Variants in CENPF observed in about 807,000 individuals in gnomAD.
CENPF encodes AH antigen.
In CENPF, 214 loss-of-function variants were observed where a neutral mutation model predicts 307.3. The observed-to-expected ratio is 0.70, with a 90% CI of 0.62 to 0.78. The LOEUF (loss-of-function observed/expected upper bound fraction) is 0.78, where lower values mean the gene tolerates loss of function less well. Among genes scored for constraint, CENPF ranks in the 30% least tolerant of loss-of-function variants. The pLI is 0.00. For missense variants in CENPF, 3,401 were observed against 3,483.9 expected (o/e 0.98, Z 0.60); for synonymous variants, 1,259 against 1,270.6 (o/e 0.99, Z 0.19).
intron 11 of CENPF, among the ~76,000 whole-genome samples, chr1:214,638,891 T>A (rs749347329): frequency 6.6e-6 from 1 of 152,248 alleles, no homozygotes; most frequent in Non-Finnish European, 1.5e-5. Context: ...AGTTTTCAGC[T>A]TTCTTGAAGG....
intron 3 of CENPF, among the ~76,000 whole-genome samples, chr1:214,616,291 G>T (rs958774663): frequency 2.2e-4 from 34 of 152,196 alleles, no homozygotes; most frequent in African/African-American, 8.0e-4. Flanking sequence ...ATAGGGAAAA[G>T]AGAATAAGAT....
Position 214,619,125 on chromosome 1 carries a change from C to T in CENPF, c.482-4C>T. 1.5e-6 allele frequency: 2 copies of T among 1,360,970 alleles called. No individual in the cohort carries two copies. The highest frequency in any genetic ancestry group is 2.1e-6 in the Non-Finnish European group (2 of 965,608). The allele number at this position is 1,360,970 out of a possible 1,614,324, so 84.3% of individuals were successfully genotyped here. On this transcript the variant is annotated splice_polypyrimidine_tract_variant and splice_region_variant and intron_variant, in intron 4 of 19. Transcript: ENST00000366955. ...GAAAACTGTATTTGATTGTCTGTTT[C>T]TAGGTTCCAAGTATGAAGATCTAAA...
chr1:214,656,076 T>C (rs1374078181), intron 17 of CENPF, among the ~76,000 whole-genome samples: 3 of 152,202 alleles, frequency 2.0e-5, no homozygotes, highest in African/African-American at 7.2e-5. Flanking sequence ...AATAGCTGAT[T>C]CTGGTTATCC....
Position 214,646,582 on chromosome 1 carries a change from G to A in CENPF, c.7012G>A (p.Val2338Met). ...TCATGCAGATTTACTTAAGGGTAGA[G>A]TGGAGAACCTTGAAAGAGAGCTAGA... Reference protein sequence around the residue: ...EHHADLLKGRVENLERELEIA... With the variant: ...EHHADLLKGRMENLERELEIA... Residue 2338 changes from valine (V) to methionine (M), a missense_variant, in exon 13 of 20, where the codon GTG becomes ATG. By Grantham distance (21) the Val-to-Met change is conservative (BLOSUM62 1). Transcript: ENST00000366955. 2 of 1,614,146 alleles carry A rather than the reference G, an allele frequency of 1.2e-6. No individual in the cohort carries two copies. The highest frequency in any genetic ancestry group is 1.7e-5 in the Admixed American group (1 of 60,022).
At position 214,659,464 on chromosome 1, in the gene CENPF, A is replaced by G. The variant is rs1476294542; in HGVS notation, c.9141+436A>G. On this transcript the variant is annotated intron_variant, in intron 19 of 19. Coordinates refer to ENST00000366955, the MANE Select transcript of CENPF (RefSeq NM_016343.4). The surrounding 1 kb of genome is among the most constrained non-coding windows in gnomAD (Gnocchi z 4.4). Reference sequence around the variant, plus strand: ...ACTTTCTTAAAAAAAAAAAAAGCACATATTTCAATAGATATCTAAGGAAAG... The same window carrying G: ...ACTTTCTTAAAAAAAAAAAAAGCACGTATTTCAATAGATATCTAAGGAAAG... Among the ~76,000 whole-genome samples, 1 of 151,776 alleles carries G rather than the reference A, an allele frequency of 6.6e-6. No individual in the cohort carries two copies. Among genetic ancestry groups the G allele is most frequent in the Non-Finnish European group, 1.5e-5 (1 of 67,944 alleles).
rs182410394 is a variant in CENPF at position 214,658,586 on chromosome 1, A to T, written c.8963-264A>T. Among the ~76,000 whole-genome samples, 351 of 151,796 alleles carry T rather than the reference A, an allele frequency of 2.3e-3. 1 individual carries two copies. The highest frequency in any genetic ancestry group is 8.1e-3 in the African/African-American group (337 of 41,370). ...TACATAGAAGATAGAAGCAGAAAAA[A>T]TTTTTTCTGTGTAGTGTTATTTTCC... On this transcript the variant is annotated intron_variant, in intron 18 of 19. Transcript: ENST00000366955.
chr1:214,620,681 C>T lies in CENPF; in HGVS notation c.600C>T (p.Ala200=). ...AKKASQTLPQ[A]TMNHRDIARH... The stretch of plus-strand genomic sequence containing the variant: ...AAGCAAGCCAGACTCTTCCACAAGC[C>T]ACCATGAATCACCGCGACATTGCCC... Residue 200 remains alanine (A), a synonymous_variant, in exon 6 of 20, where the codon GCC becomes GCT. Coordinates refer to ENST00000366955, the MANE Select transcript of CENPF (RefSeq NM_016343.4). The T allele has an allele frequency of 6.2e-7, 1 of 1,613,702 alleles. No individual in the cohort carries two copies. The highest frequency in any genetic ancestry group is 8.5e-7 in the Non-Finnish European group (1 of 1,179,860).
In CENPF at chr1:214,647,078, TG is replaced by T; in HGVS notation, c.7509del (p.Asn2504MetfsTer7). On this transcript the variant is annotated frameshift_variant, in exon 13 of 20. Transcript: ENST00000366955. LOFTEE classifies it high-confidence loss of function. The stretch of plus-strand genomic sequence containing the variant: ...AATTATATTGTTTTGCAATCTTCAG[TG>T]AATGGCCTCATTCAAGAAGTAGAAG... ...KNNYIVLQSS[V>X]NGLIQEVEDG... 1 of 1,614,074 alleles carries T rather than the reference TG, an allele frequency of 6.2e-7. No homozygotes were observed. Among genetic ancestry groups the T allele is most frequent in the Non-Finnish European group, 8.5e-7 (1 of 1,180,000 alleles).
In CENPF at chr1:214,644,830, C is replaced by T. The variant is rs773440240; in HGVS notation, c.5260C>T (p.Pro1754Ser). ...ECISELSFSGPNALVPMDFLG... is the reference protein window; with the variant it reads ...ECISELSFSGSNALVPMDFLG... ...CATTTCTGAATTGTCATTTTCTGGTCCTAATGCTTTGGTACCTATGGATTT... is the reference window on the plus strand; with the variant it reads ...CATTTCTGAATTGTCATTTTCTGGTTCTAATGCTTTGGTACCTATGGATTT... Residue 1754 changes from proline to serine, a missense_variant, in exon 13 of 20, where the codon CCT becomes TCT. Coordinates refer to ENST00000366955, the MANE Select transcript of CENPF (RefSeq NM_016343.4). 4.3e-6 allele frequency: 7 copies of T among 1,613,780 alleles called. No individual in the cohort carries two copies.
In CENPF at chr1:214,612,416, G is replaced by A. The variant is rs539643518; in HGVS notation, c.-41-1298G>A. On this transcript the variant is annotated intron_variant, in intron 1 of 19. Coordinates refer to ENST00000366955, the MANE Select transcript of CENPF (RefSeq NM_016343.4). ...TTTTGCATCGTTGATCAAGGATATT[G>A]GCTTGAAGTTTTCTTTTTTTGTTGG... Among the ~76,000 whole-genome samples the A allele has an allele frequency of 4.4e-4, 67 of 152,240 alleles. 1 individual carries two copies. The highest frequency in any genetic ancestry group is 1.0e-3 in the South Asian group (5 of 4,824).
At chr1:214,627,848 T>A (rs1178523907) in intron 7 of CENPF, among the ~76,000 whole-genome samples, 2 of 152,242 alleles carry the variant, frequency 1.3e-5, no homozygotes, top group African/African-American at 2.4e-5. Context: ...TTTATGCTGG[T>A]TCCAGATCTA....
chr1:214,605,905 G>A, intron 1 of CENPF: 6 of 1,597,400 alleles, frequency 3.8e-6, no homozygotes, highest in Non-Finnish European at 5.1e-6. Flanking sequence ...CGATGTTAGG[G>A]AAGGCGTCGA....
chr1:214,645,230 C>A lies in CENPF; in HGVS notation c.5660C>A (p.Ala1887Asp), dbSNP rs1359667331. The A allele has an allele frequency of 1.9e-6, 3 of 1,613,738 alleles. No homozygotes were observed. The East Asian group carries it at 6.7e-5, about 36-fold the overall frequency. Reference protein sequence around the residue: ...SSREDIGDNVAKVNDSWKERF... With the variant: ...SSREDIGDNVDKVNDSWKERF... Reference sequence around the variant, plus strand: ...CGTGAAGATATTGGAGATAATGTGGCCAAGGTGAATGACAGCTGGAAGGAG... The same window carrying A: ...CGTGAAGATATTGGAGATAATGTGGACAAGGTGAATGACAGCTGGAAGGAG... The change falls in exon 13 of 20, where the codon GCC (alanine) becomes GAC (aspartate). Residue 1887 changes from alanine (A) to aspartate (D), a missense_variant. By Grantham distance (126) the Ala-to-Asp change is moderately radical. Coordinates refer to ENST00000366955, the MANE Select transcript of CENPF (RefSeq NM_016343.4).
At position 214,613,751 on chromosome 1, in the gene CENPF, C is replaced by T; in HGVS notation, c.-4C>T. The T allele has an allele frequency of 6.3e-7, 1 of 1,590,804 alleles. No homozygotes were observed. The highest frequency in any genetic ancestry group is 1.1e-5 in the South Asian group (1 of 87,128). On this transcript the variant is annotated 5_prime_UTR_variant, in exon 2 of 20. Coordinates refer to ENST00000366955, the MANE Select transcript of CENPF (RefSeq NM_016343.4). ...TGTTGGAGTAATAAAGAAGGCAGAACAAAATGAGCTGGGCTTTGGAAGAAT... is the reference window on the plus strand; with the variant it reads ...TGTTGGAGTAATAAAGAAGGCAGAATAAAATGAGCTGGGCTTTGGAAGAAT...
intron 19 of CENPF, among the ~76,000 whole-genome samples, chr1:214,662,081 A>C (rs1208292599): frequency 6.6e-6 from 1 of 152,168 alleles, no homozygotes; most frequent in Non-Finnish European, 1.5e-5. Flanking sequence ...GAGAAGCCAG[A>C]AAGAGTGGAC....
In CENPF at chr1:214,639,794, G is replaced by A. The variant is rs369461867; in HGVS notation, c.1583-127G>A. 211 of 529,988 alleles carry A rather than the reference G, an allele frequency of 4.0e-4. 1 individual carries two copies. The East Asian group carries it at 5.9e-3, about 15-fold the overall frequency. The allele number at this position is 529,988 out of a possible 1,614,324, so 32.8% of individuals were successfully genotyped here. On this transcript the variant is annotated intron_variant, in intron 11 of 19. Transcript: ENST00000366955. ...AGGAGGTACCCAGGCAATAATGCCA[G>A]TTTTTCCAGGGCTTGAGTAGTTGTT...
At position 214,613,780 on chromosome 1, in the gene CENPF, A is replaced by C; in HGVS notation, c.26A>C (p.Lys9Thr). MSWALEEW[K>T]EGLPTRALQK... Reference sequence around the variant, plus strand: ...ATGAGCTGGGCTTTGGAAGAATGGAAAGAAGGGCTGCCTACAAGAGCTCTT... The same window carrying C: ...ATGAGCTGGGCTTTGGAAGAATGGACAGAAGGGCTGCCTACAAGAGCTCTT... The change falls in exon 2 of 20, where the codon AAA (lysine) becomes ACA (threonine). Residue 9 changes from lysine to threonine, a missense_variant. By Grantham distance (78) the Lys-to-Thr change is moderately conservative (BLOSUM62 -1). Coordinates refer to ENST00000366955, the MANE Select transcript of CENPF (RefSeq NM_016343.4). The C allele has an allele frequency of 6.2e-7, 1 of 1,607,970 alleles. No homozygotes were observed. Among genetic ancestry groups the C allele is most frequent in the Non-Finnish European group, 8.5e-7 (1 of 1,178,138 alleles).
intron 1 of CENPF, among the ~76,000 whole-genome samples, chr1:214,610,995 G>T (rs527697724): frequency 1.2e-4 from 18 of 152,226 alleles, no homozygotes; most frequent in Non-Finnish European, 2.4e-4. Flanking sequence ...GGTTGTAGGT[G>T]TGCGGCTTAT....
chr1:214,604,114 G>T (rs946059018), intron 1 of CENPF, among the ~76,000 whole-genome samples: 1 of 152,140 alleles, frequency 6.6e-6, no homozygotes, highest in Non-Finnish European at 1.5e-5. Context: ...TACAGTGCAC[G>T]GGGACTCTGG....
Sources: gnomAD v4.1 joint callset for allele counts (sites outside exome capture counted in the v4.1 genomes callset) on GRCh38, gnomAD v4.1.1 for gene constraint, Gnocchi (gnomAD v3.1) non-coding constraint, MANE v1.5 for transcripts, NCBI Gene and HGNC (gene_info 2026-07-23, HGNC 2026-07-21) for gene names.